CAPSL: variants seen among roughly 807,000 people sequenced by gnomAD.
The protein encoded by CAPSL is calcyphosine like.
CAPSL carries 17 observed loss-of-function variants against 21.3 expected under a neutral mutation model. That is an observed-to-expected ratio of 0.80 (90% CI 0.55 to 1.20). The LOEUF (loss-of-function observed/expected upper bound fraction) is 1.20, where lower values mean the gene tolerates loss of function less well. CAPSL is among the 50% of genes most tolerant of loss of function. The probability of loss-of-function intolerance (pLI) is 0.00; values close to 1 mark genes in which losing one functional copy is unlikely to be tolerated. For missense variants in CAPSL, 289 were observed against 259.3 expected (o/e 1.11, Z -0.79); for synonymous variants, 102 against 89.3 (o/e 1.14, Z -0.80).
intron 1 of CAPSL, among the ~76,000 whole-genome samples, chr5:35,931,428 C>A (rs1738820361): frequency 1.2e-5 from 1 of 86,872 alleles, no homozygotes; most frequent in Non-Finnish European, 2.4e-5. Context: ...GTAACTGACA[C>A]AATGTGTTAC....
At chr5:35,911,279 C>A (rs192009615) in intron 2 of CAPSL, among the ~76,000 whole-genome samples, 34 of 152,136 alleles carry the variant, frequency 2.2e-4, no homozygotes, top group African/African-American at 8.2e-4. Flanking sequence ...CCAAAAAGTA[C>A]GATATGGAAA....
chr5:35,935,442 C>G (rs566977767), intron 1 of CAPSL, among the ~76,000 whole-genome samples: 1 of 152,058 alleles, frequency 6.6e-6, no homozygotes, highest in African/African-American at 2.4e-5. Flanking sequence ...AAGTGATCCT[C>G]CCACCGAAAC....
chr5:35,917,080 G>C (rs746667966), intron 2 of CAPSL, among the ~76,000 whole-genome samples: 3 of 152,170 alleles, frequency 2.0e-5, no homozygotes, highest in Non-Finnish European at 4.4e-5. Flanking sequence ...CTTCTCAAAA[G>C]AAGACATTTA....
intron 4 of CAPSL, among the ~76,000 whole-genome samples, chr5:35,906,471 C>T (rs1329815529): frequency 2.0e-5 from 3 of 152,098 alleles, no homozygotes; most frequent in Admixed American, 6.5e-5. Flanking sequence ...AGCCCTTTCT[C>T]GTTCCCTCCT....
chr5:35,906,733 T>C (rs1760687123), intron 4 of CAPSL, among the ~76,000 whole-genome samples: 1 of 152,216 alleles, frequency 6.6e-6, no homozygotes, highest in Non-Finnish European at 1.5e-5. Context: ...TGATTGAGAC[T>C]GGTATCGTCA....
chr5:35,929,528 T>C (rs1490630852), intron 1 of CAPSL, among the ~76,000 whole-genome samples: 1 of 152,108 alleles, frequency 6.6e-6, no homozygotes, highest in African/African-American at 2.4e-5. Flanking sequence ...CCTGACCTCA[T>C]GATCCACCCA....
intron 4 of CAPSL, among the ~76,000 whole-genome samples, chr5:35,907,291 C>T (rs1466929379): frequency 6.6e-6 from 1 of 152,022 alleles, no homozygotes; most frequent in Admixed American, 6.6e-5. Flanking sequence ...TACATACACT[C>T]AGTAATATAC....
In CAPSL at chr5:35,905,405, C is replaced by A. The variant is rs929125661; in HGVS notation, c.526-759G>T. ...ATGATCGGTTGGGGACATACCTATG[C>A]CTTCCAAGAATCATAAGAGATGACT... On this transcript the variant is annotated intron_variant, in intron 4 of 4. Coordinates refer to ENST00000651391, the MANE Select transcript of CAPSL (RefSeq NM_001042625.2). Among the ~76,000 whole-genome samples, 16 of 152,218 alleles carry A rather than the reference C, an allele frequency of 1.1e-4. 3 individuals are homozygous for A. Among genetic ancestry groups the A allele is most frequent in the East Asian group, 3.9e-4 (2 of 5,176 alleles).
intron 1 of CAPSL, among the ~76,000 whole-genome samples, chr5:35,926,202 C>A (rs774044458): frequency 2.6e-5 from 4 of 152,000 alleles, no homozygotes; most frequent in Non-Finnish European, 4.4e-5. Context: ...CTGCCTGGAC[C>A]GTGTGGACGG....
intron 4 of CAPSL, among the ~76,000 whole-genome samples, chr5:35,906,149 A>G (rs1049497769): frequency 1.3e-5 from 2 of 152,148 alleles, no homozygotes; most frequent in Non-Finnish European, 2.9e-5. Context: ...TTTGAGGAAC[A>G]TTTTTTACAG....
chr5:35,906,780 G>T (rs1038079499), intron 4 of CAPSL, among the ~76,000 whole-genome samples: 10 of 152,176 alleles, frequency 6.6e-5, no homozygotes, highest in African/African-American at 2.4e-4. Context: ...AGTGGGATGG[G>T]GTGACCTGAG....
At position 35,921,032 on chromosome 5, in the gene CAPSL, C is replaced by A; in HGVS notation, c.89G>T (p.Arg30Leu). The stretch of plus-strand genomic sequence containing the variant: ...AGAGCCCCTGGCCAGGCACTGCAGT[C>A]GGAGTCTTTCAATGGGGTCGGTGGC... The part of the protein sequence containing the change: ...TTATDPIERL[R>L]LQCLARGSAG... Residue 30 changes from arginine to leucine, a missense_variant, in exon 2 of 5, where the codon CGA becomes CTA. Physicochemically the swap from Arg to Leu is moderately radical, Grantham distance 102. Transcript: ENST00000651391. 1 of 1,614,118 alleles carries A rather than the reference C, an allele frequency of 6.2e-7. No individual in the cohort carries two copies. Among genetic ancestry groups the A allele is most frequent in the Non-Finnish European group, 8.5e-7 (1 of 1,180,026 alleles).
chr5:35,907,947 G>T (rs1175606988), intron 4 of CAPSL, among the ~76,000 whole-genome samples: 1 of 152,150 alleles, frequency 6.6e-6, no homozygotes, highest in African/African-American at 2.4e-5. Flanking sequence ...ATACAATTCA[G>T]TGTGCGAAAG....
chr5:35,904,587 A>G lies in CAPSL; in HGVS notation c.585T>C (p.Asp195=), dbSNP rs763469607. Residue 195 remains aspartate, a synonymous_variant, in exon 5 of 5, where the codon GAT becomes GAC. Transcript: ENST00000651391. The part of the protein sequence containing the change: ...YAGVSASIDT[D]VYFIIMMRTA... ...TTCTCATCATGATGATGAAGTACAC[A>G]TCAGTGTCAATGGATGCGCTCACAC... 1.2e-6 allele frequency: 2 copies of G among 1,613,910 alleles called. No individual in the cohort carries two copies. Among genetic ancestry groups the G allele is most frequent in the Admixed American group, 1.7e-5 (1 of 59,990 alleles).
chr5:35,911,528 C>T (rs1033962016), intron 2 of CAPSL, among the ~76,000 whole-genome samples: 2 of 152,184 alleles, frequency 1.3e-5, no homozygotes, highest in Non-Finnish European at 2.9e-5. Flanking sequence ...TGACCTCTCA[C>T]ATTCATCAAA....
intron 1 of CAPSL, among the ~76,000 whole-genome samples, chr5:35,932,658 A>G (rs1420558912): frequency 1.3e-5 from 2 of 152,198 alleles, no homozygotes; most frequent in Admixed American, 6.5e-5. Flanking sequence ...TTGGCAGAAG[A>G]AATATTGTTA....
intron 2 of CAPSL, among the ~76,000 whole-genome samples, chr5:35,916,443 A>G (rs1738387809): frequency 6.6e-6 from 1 of 152,224 alleles, no homozygotes; most frequent in Non-Finnish European, 1.5e-5. Flanking sequence ...TGGAGGCATA[A>G]CGCTACCTGA....
chr5:35,911,542 C>A (rs553392086), intron 2 of CAPSL, among the ~76,000 whole-genome samples: 3 of 152,200 alleles, frequency 2.0e-5, no homozygotes, highest in African/African-American at 7.2e-5. Flanking sequence ...CATCAAAAAC[C>A]AGGAAAGTCT....
chr5:35,930,244 A>T (rs1738786710), intron 1 of CAPSL, among the ~76,000 whole-genome samples: 2 of 152,174 alleles, frequency 1.3e-5, no homozygotes, highest in Admixed American at 1.3e-4. Context: ...CTTAAAATGC[A>T]TGTTGCAGCC....
Sources: allele counts gnomAD v4.1 joint callset (sites outside exome capture counted in the v4.1 genomes callset), GRCh38; gene constraint gnomAD v4.1.1; transcripts MANE v1.5; gene names NCBI Gene and HGNC (gene_info 2026-07-23, HGNC 2026-07-21).